Variants in MACIR observed in about 807,000 individuals in gnomAD.
MACIR encodes UNC119-binding protein C5orf30.
A neutral mutation model predicts 14.3 loss-of-function variants in MACIR; 4 were observed. That is an observed-to-expected ratio of 0.28 (90% CI 0.14 to 0.64). The LOEUF (loss-of-function observed/expected upper bound fraction) is 0.64. Ranked by LOEUF, MACIR falls within the 30% of genes least tolerant of loss-of-function variation. The pLI is 0.83. For synonymous variants in MACIR, 101 were observed against 102.4 expected, an observed-to-expected ratio of 0.99 and a Z score of 0.08; for missense variants, 228 against 257.6, an observed-to-expected ratio of 0.89 and a Z score of 0.79.
At chr5:103,265,020 A>C (rs1390567151) in intron 1 of MACIR, among the ~76,000 whole-genome samples, 3 of 152,112 alleles carry the variant, frequency 2.0e-5, no homozygotes, top group Non-Finnish European at 4.4e-5. Flanking sequence ...AGAAACTTTT[A>C]CAGGTGGAAA....
intron 2 of MACIR, among the ~76,000 whole-genome samples, chr5:103,274,347 T>A (rs1242031344): frequency 2.0e-5 from 3 of 150,544 alleles, no homozygotes; most frequent in African/African-American, 7.3e-5. Context: ...TCCTCAAATA[T>A]AATTTATTTT....
chr5:103,266,725 C>T (rs1479246603), intron 2 of MACIR, among the ~76,000 whole-genome samples: 1 of 152,084 alleles, frequency 6.6e-6, no homozygotes, highest in African/African-American at 2.4e-5. Flanking sequence ...TATCTTTGTG[C>T]ATCCTTGCCT....
In MACIR at chr5:103,278,539, A is replaced by T. The variant is rs1192201549; in HGVS notation, c.*1999A>T. On this transcript the variant is annotated 3_prime_UTR_variant, in exon 3 of 3. Transcript: ENST00000319933. ...GCTCATTGGCATTTTATGATAAAAG[A>T]TGTATTCATGGCAATGATATGTATT... 22 of 167,098 alleles carry T rather than the reference A, an allele frequency of 1.3e-4. No homozygotes were observed. Among genetic ancestry groups the T allele is most frequent in the African/African-American group, 4.6e-4 (19 of 41,458 alleles). The allele number at this position is 167,098 out of a possible 1,614,324, so 10.4% of individuals were successfully genotyped here.
At chr5:103,260,774 A>C (rs1804654336) in intron 1 of MACIR, among the ~76,000 whole-genome samples, 1 of 152,170 alleles carries the variant, frequency 6.6e-6, no homozygotes, top group Non-Finnish European at 1.5e-5. Flanking sequence ...ACAGGGTTTA[A>C]AATTTCTTTG....
At chr5:103,273,285 C>A (rs557330350) in intron 2 of MACIR, among the ~76,000 whole-genome samples, 97 of 152,142 alleles carry the variant, frequency 6.4e-4, no homozygotes, top group African/African-American at 2.2e-3. Context: ...TAGGTTAAAT[C>A]ATTGTCTACC....
chr5:103,278,547 A>G lies in MACIR; in HGVS notation c.*2007A>G, dbSNP rs2149937896. On this transcript the variant is annotated 3_prime_UTR_variant, in exon 3 of 3. Coordinates refer to ENST00000319933, the MANE Select transcript of MACIR (RefSeq NM_033211.4). The stretch of plus-strand genomic sequence containing the variant: ...GCATTTTATGATAAAAGATGTATTC[A>G]TGGCAATGATATGTATTCACCCTAT... The G allele has an allele frequency of 6.0e-6, 1 of 167,204 alleles. No individual in the cohort carries two copies. The highest frequency in any genetic ancestry group is 1.9e-4 in the East Asian group (1 of 5,188). 10.4% of individuals were successfully genotyped at this position (167,204 alleles called of 1,614,324 possible).
intron 2 of MACIR, among the ~76,000 whole-genome samples, chr5:103,273,489 G>T (rs528378266): frequency 6.6e-6 from 1 of 152,138 alleles, no homozygotes; most frequent in Admixed American, 6.5e-5. Flanking sequence ...GTACTTCCAG[G>T]TATTTTCTAG....
intron 2 of MACIR, among the ~76,000 whole-genome samples, chr5:103,269,000 G>T (rs1805029145): frequency 6.6e-6 from 1 of 152,108 alleles, no homozygotes; most frequent in Non-Finnish European, 1.5e-5. Flanking sequence ...AGGGAGGATT[G>T]CTTGAGACCA....
rs1024346681 is a variant in MACIR at position 103,277,813 on chromosome 5, C to T, written c.*1273C>T. The stretch of plus-strand genomic sequence containing the variant: ...CCCTCATTTTTGACTCTTAAAGGTG[C>T]AATTTATTACTGAATTGGGATTTCT... On this transcript the variant is annotated 3_prime_UTR_variant, in exon 3 of 3. Transcript: ENST00000319933. The T allele has an allele frequency of 6.0e-6, 1 of 166,856 alleles. No homozygotes were observed. Among genetic ancestry groups the T allele is most frequent in the Non-Finnish European group, 1.5e-5 (1 of 68,056 alleles). 10.3% of individuals were successfully genotyped at this position (166,856 alleles called of 1,614,324 possible).
Position 103,276,449 on chromosome 5 carries a change from T to A in MACIR, c.530T>A (p.Ile177Asn), listed in dbSNP as rs782133989. Residue 177 changes from isoleucine (I) to asparagine (N), a missense_variant, in exon 3 of 3, where the codon ATC (isoleucine) becomes AAC (asparagine). Coordinates refer to ENST00000319933, the MANE Select transcript of MACIR (RefSeq NM_033211.4). The stretch of plus-strand genomic sequence containing the variant: ...GACTACCTCAATCTAGATAAAATGA[T>A]CAAGGAGCCAGCTGATACAGAAGTG... ...SLDYLNLDKM[I>N]KEPADTEVLQ... 1.9e-6 allele frequency: 3 copies of A among 1,613,888 alleles called. No homozygotes were observed. Among genetic ancestry groups the A allele is most frequent in the Non-Finnish European group, 2.5e-6 (3 of 1,180,002 alleles).
chr5:103,262,972 A>T (rs1269777340), intron 1 of MACIR, among the ~76,000 whole-genome samples: 2 of 152,140 alleles, frequency 1.3e-5, no homozygotes, highest in Non-Finnish European at 2.9e-5. Context: ...AGAATTATAG[A>T]TTTTTAAAGT....
chr5:103,260,340 T>A (rs1804633548), intron 1 of MACIR, among the ~76,000 whole-genome samples: 1 of 152,172 alleles, frequency 6.6e-6, no homozygotes, highest in Non-Finnish European at 1.5e-5. Flanking sequence ...TTTGCAAAGT[T>A]TATTTTCCCA....
chr5:103,276,397 G>T lies in MACIR; in HGVS notation c.478G>T (p.Gly160Cys). Reference sequence around the variant, plus strand: ...GCCTCTGCCTCTTTGTCTTCTTAAAGGTAAGAGGGCTCACTCCAAATCTCT... The same window carrying T: ...GCCTCTGCCTCTTTGTCTTCTTAAATGTAAGAGGGCTCACTCCAAATCTCT... ...HGPLPLCLLK[G>C]KRAHSKSLDY... Residue 160 changes from glycine to cysteine, a missense_variant, in exon 3 of 3, where the codon GGT becomes TGT. By Grantham distance (159) the Gly-to-Cys change is radical. Coordinates refer to ENST00000319933, the MANE Select transcript of MACIR (RefSeq NM_033211.4). The T allele has an allele frequency of 1.9e-6, 3 of 1,613,866 alleles. No individual in the cohort carries two copies. Among genetic ancestry groups the T allele is most frequent in the Non-Finnish European group, 2.5e-6 (3 of 1,180,002 alleles).
Position 103,277,565 on chromosome 5 carries a change from A to G in MACIR, c.*1025A>G, listed in dbSNP as rs1805382090. On this transcript the variant is annotated 3_prime_UTR_variant, in exon 3 of 3. Coordinates refer to ENST00000319933, the MANE Select transcript of MACIR (RefSeq NM_033211.4). ...TCTGTGTAACACAAGCACTCACTGA[A>G]ATTCCAGTTTCTAGGATTAGTGTAG... 1 of 167,026 alleles carries G rather than the reference A, an allele frequency of 6.0e-6. No individual in the cohort carries two copies. The highest frequency in any genetic ancestry group is 2.4e-5 in the African/African-American group (1 of 41,416). 10.3% of individuals were successfully genotyped at this position (167,026 alleles called of 1,614,324 possible).
chr5:103,263,776 T>A (rs541421252), intron 1 of MACIR, among the ~76,000 whole-genome samples: 1 of 152,290 alleles, frequency 6.6e-6, no homozygotes, highest in East Asian at 1.9e-4. Context: ...TATCCCACTT[T>A]GTGATAGATG....
intron 2 of MACIR, among the ~76,000 whole-genome samples, chr5:103,273,431 A>C (rs1805206799): frequency 6.6e-6 from 1 of 150,958 alleles, no homozygotes; most frequent in African/African-American, 2.5e-5. Context: ...TTTCTTATCA[A>C]ATCAGATTTT....
chr5:103,269,208 TAAACAAAC>T (rs1166135445), intron 2 of MACIR, among the ~76,000 whole-genome samples: 1 of 151,902 alleles, frequency 6.6e-6, no homozygotes, highest in Non-Finnish European at 1.5e-5. Context: ...ACCCTGTGTC[TAAACAAAC>T]AAACAAACAA....
chr5:103,258,395 A>G (rs1804532734), upstream of MACIR, among the ~76,000 whole-genome samples: 1 of 152,102 alleles, frequency 6.6e-6, no homozygotes, highest in Non-Finnish European at 1.5e-5. Flanking sequence ...AGTGACAAAT[A>G]TCAGCACACC....
intron 1 of MACIR, among the ~76,000 whole-genome samples, chr5:103,263,484 A>G (rs1554236492): frequency 1.3e-5 from 2 of 152,182 alleles, no homozygotes. Flanking sequence ...GAGTTGGGTA[A>G]TGTCTTCAAG....
Sources: gnomAD v4.1 joint callset for allele counts (sites outside exome capture counted in the v4.1 genomes callset) on GRCh38, gnomAD v4.1.1 for gene constraint, MANE v1.5 for transcripts, NCBI Gene and HGNC (gene_info 2026-07-23, HGNC 2026-07-21) for gene names.